PRMT7: variants seen among roughly 807,000 people sequenced by gnomAD.
PRMT7 encodes protein arginine N-methyltransferase 7.
PRMT7 carries 75 observed loss-of-function variants against 85.4 expected under a neutral mutation model. The ratio of observed to expected loss-of-function variants is 0.88; its 90% confidence interval spans 0.73 to 1.06. PRMT7 has a LOEUF of 1.06. Among genes scored for constraint, PRMT7 ranks in the 50% least tolerant of loss-of-function variants. PRMT7 has a pLI of 0.00. For missense variants in PRMT7, 868 were observed against 915.2 expected (o/e 0.95, Z 0.67); for synonymous variants, 397 against 359.5 (o/e 1.10, Z -1.18).
chr16:68,342,620 C>G (rs1469416868), intron 9 of PRMT7, among the ~76,000 whole-genome samples: 1 of 152,188 alleles, frequency 6.6e-6, no homozygotes, highest in East Asian at 1.9e-4. Context: ...TTCACCTACC[C>G]CATTCCCAGA....
rs986829614 is a variant in PRMT7 at position 68,349,809 on chromosome 16, C to T, written c.1413+1378C>T. ...GCTGAGGTGGGTGAGGTGGGAGGAT[C>T]GCCTGAGCCCAGGAGTTGGAGGCTG... is the stretch of plus-strand genomic sequence containing the variant. On this transcript the variant is annotated intron_variant, in intron 14 of 18. Coordinates refer to ENST00000441236, the MANE Select transcript of PRMT7 (RefSeq NM_019023.5). 2.4e-4 allele frequency among the ~76,000 whole-genome samples: 37 copies of T among 152,148 alleles called. 1 individual carries two copies. Among genetic ancestry groups the T allele is most frequent in the Admixed American group, 2.0e-3 (31 of 15,272 alleles).
Position 68,339,834 on chromosome 16 carries a change from A to G in PRMT7, c.793A>G (p.Arg265Gly), listed in dbSNP as rs896071644. 2 of 1,614,168 alleles carry G rather than the reference A, an allele frequency of 1.2e-6. No individual in the cohort carries two copies. Among genetic ancestry groups the G allele is most frequent in the Middle Eastern group, 1.6e-4 (1 of 6,062 alleles). ...QVSSSAACHSRRFEPLTSGRA... is the reference protein window; with the variant it reads ...QVSSSAACHSGRFEPLTSGRA... ...CAGTAGCTCAGCAGCCTGCCATAGC[A>G]GGCGGTTTGAACCTCTGACATCTGG... The change falls in exon 9 of 19, where the codon AGG (arginine) becomes GGG (glycine). Residue 265 changes from arginine to glycine, a missense_variant. Coordinates refer to ENST00000441236, the MANE Select transcript of PRMT7 (RefSeq NM_019023.5).
At chr16:68,313,981 G>T (rs1460297214) in intron 2 of PRMT7, among the ~76,000 whole-genome samples, 2 of 152,196 alleles carry the variant, frequency 1.3e-5, no homozygotes, top group African/African-American at 4.8e-5. Context: ...ATATCAGAGG[G>T]CCTTGTTCGT....
intron 6 of PRMT7, among the ~76,000 whole-genome samples, chr16:68,335,018 A>G (rs904700932): frequency 6.6e-6 from 1 of 152,158 alleles, no homozygotes; most frequent in African/African-American, 2.4e-5. Context: ...GCTGGTATCG[A>G]ACTCCTGGCC....
rs1177999257 is a variant in PRMT7, at chr16:68,346,428, C to T, written c.1191+148C>T. 6 of 1,130,846 alleles carry T rather than the reference C, an allele frequency of 5.3e-6. No individual in the cohort carries two copies. In the African/African-American group the frequency reaches 9.4e-5, roughly 18 times the overall value. The allele number at this position is 1,130,846 out of a possible 1,614,324, so 70.1% of individuals were successfully genotyped here. A position where few individuals can be genotyped will look rare whatever the true frequency, so the allele number is the denominator to read the frequency against. Reference sequence around the variant, plus strand: ...TCAGCGAGCGCCTCCTGGGTGGGCACTGGAGCAGAAAGCGGGAGAGCCTGG... The same window carrying T: ...TCAGCGAGCGCCTCCTGGGTGGGCATTGGAGCAGAAAGCGGGAGAGCCTGG... On this transcript the variant is annotated intron_variant, in intron 11 of 18. Transcript: ENST00000441236.
rs201641068 is a variant in PRMT7 at position 68,346,182 on chromosome 16, G to A, written c.1093G>A (p.Val365Met). 2.1e-5 allele frequency: 34 copies of A among 1,613,980 alleles called. No individual in the cohort carries two copies. In the African/African-American group the frequency reaches 2.4e-4, roughly 11 times the overall value. Residue 365 changes from valine to methionine, a missense_variant, in exon 11 of 19, where the codon GTG (valine) becomes ATG (methionine). Transcript: ENST00000441236. The part of the protein sequence containing the change: ...KNERVRQMRP[V>M]CDCQAHLLWN... Reference sequence around the variant, plus strand: ...TGAGAGAGTCCGCCAGATGCGCCCCGTGTGTGACTGCCAGGCTCACCTGCT... The same window carrying A: ...TGAGAGAGTCCGCCAGATGCGCCCCATGTGTGACTGCCAGGCTCACCTGCT...
chr16:68,346,292 G>T lies in PRMT7; in HGVS notation c.1191+12G>T, dbSNP rs751519478. 2.5e-6 allele frequency: 4 copies of T among 1,613,586 alleles called. No individual in the cohort carries two copies. In the East Asian group the frequency reaches 8.9e-5, roughly 36 times the overall value. ...AGGCTCTGAGGACCGTAAGTGTCCA[G>T]CCCCTTGGCTTGTTGTGGGGAAAAG... On this transcript the variant is annotated intron_variant, in intron 11 of 18. Coordinates refer to ENST00000441236, the MANE Select transcript of PRMT7 (RefSeq NM_019023.5).
At chr16:68,322,105 A>G (rs77421912) in intron 4 of PRMT7, among the ~76,000 whole-genome samples, 9,127 of 152,158 alleles carry the variant, frequency 0.06, 362 homozygotes, top group Middle Eastern at 0.14. Flanking sequence ...TATTGGGATA[A>G]TACTATTATT....
At chr16:68,327,947 A>G (rs2083326743) in intron 5 of PRMT7, among the ~76,000 whole-genome samples, 1 of 151,982 alleles carries the variant, frequency 6.6e-6, no homozygotes, top group African/African-American at 2.4e-5. Flanking sequence ...AAAAAAAGAA[A>G]AATTAAATGG....
At chr16:68,321,931 C>T (rs1489841665) in intron 4 of PRMT7, among the ~76,000 whole-genome samples, 2 of 151,950 alleles carry the variant, frequency 1.3e-5, no homozygotes, top group Non-Finnish European at 2.9e-5. Context: ...GTACCATTCT[C>T]TGGGCTTCTG....
At chr16:68,335,345 C>T (rs2084513070) in intron 6 of PRMT7, among the ~76,000 whole-genome samples, 1 of 126,458 alleles carries the variant, frequency 7.9e-6, no homozygotes. Context: ...GCCCAGATTC[C>T]TGGACTATGT....
At chr16:68,317,269 G>T (rs1597113206) in intron 3 of PRMT7, among the ~76,000 whole-genome samples, 1 of 151,584 alleles carries the variant, frequency 6.6e-6, no homozygotes, top group South Asian at 2.1e-4. Flanking sequence ...ACAGCACAGT[G>T]AGATAAAGGC....
chr16:68,352,332 G>T lies in PRMT7; in HGVS notation c.1498G>T (p.Val500Leu). Reference protein sequence around the residue: ...NLYFWYVRTAVDQHLGPGAMV... With the variant: ...NLYFWYVRTALDQHLGPGAMV... ...CTACTTCTGGTACGTGCGGACCGCT[G>T]TGGACCAGCACCTGGGGCCAGGTGC... Residue 500 changes from valine to leucine, a missense_variant, in exon 15 of 19, where the codon GTG becomes TTG. Physicochemically the swap from Val to Leu is conservative, Grantham distance 32. Transcript: ENST00000441236. 6.8e-6 allele frequency: 11 copies of T among 1,612,742 alleles called. No individual in the cohort carries two copies. The highest frequency in any genetic ancestry group is 9.3e-6 in the Non-Finnish European group (11 of 1,180,030).
At chr16:68,334,587 G>C (rs1367944157) in intron 6 of PRMT7, among the ~76,000 whole-genome samples, 2 of 152,190 alleles carry the variant, frequency 1.3e-5, no homozygotes, top group African/African-American at 4.8e-5. Flanking sequence ...GTTACATGCT[G>C]AGGCTTGTGG....
chr16:68,327,934 A>G (rs924285521), intron 5 of PRMT7, among the ~76,000 whole-genome samples: 1 of 152,060 alleles, frequency 6.6e-6, no homozygotes, highest in Admixed American at 6.5e-5. Flanking sequence ...CTTCTCAAAA[A>G]AAAAAAAAAG....
chr16:68,348,263 C>A, intron 13 of PRMT7, 79 bp from the exon 14 acceptor site: 1 of 1,209,884 alleles, frequency 8.3e-7, no homozygotes, highest in Non-Finnish European at 1.2e-6. Context: ...GCGGAGAATG[C>A]AACTTTGAGA....
At chr16:68,356,459 G>A (rs537117775) in intron 17 of PRMT7, among the ~76,000 whole-genome samples, 8 of 152,258 alleles carry the variant, frequency 5.3e-5, no homozygotes, top group Non-Finnish European at 1.0e-4. Flanking sequence ...CAGCCACACC[G>A]GCCCTGCCCC....
chr16:68,356,792 C>T lies in PRMT7; in HGVS notation c.1903C>T (p.Pro635Ser). 1.2e-6 allele frequency: 2 copies of T among 1,607,398 alleles called. No homozygotes were observed. The highest frequency in any genetic ancestry group is 1.7e-6 in the Non-Finnish European group (2 of 1,178,334). ...LSTGLLEPAD[P>S]EGGCCWNPHC... is the part of the protein sequence containing the mutation. Reference sequence around the variant, plus strand: ...CACTGGCCTCCTGGAGCCTGCAGACCCCGAGGTAGTGCCTGCGCACCGGGC... The same window carrying T: ...CACTGGCCTCCTGGAGCCTGCAGACTCCGAGGTAGTGCCTGCGCACCGGGC... The change falls in exon 18 of 19, where the codon CCC becomes TCC. Residue 635 changes from proline (P) to serine (S), a missense_variant. By Grantham distance (74) the Pro-to-Ser change is moderately conservative. Coordinates refer to ENST00000441236, the MANE Select transcript of PRMT7 (RefSeq NM_019023.5).
chr16:68,350,480 T>A (rs2087147534), intron 14 of PRMT7, among the ~76,000 whole-genome samples: 1 of 152,102 alleles, frequency 6.6e-6, no homozygotes, highest in South Asian at 2.1e-4. Flanking sequence ...TGGTGATGTC[T>A]CCACATAGTT....
Sources: allele counts gnomAD v4.1 joint callset (sites outside exome capture counted in the v4.1 genomes callset), GRCh38; gene constraint gnomAD v4.1.1; transcripts MANE v1.5; gene names NCBI Gene and HGNC (gene_info 2026-07-23, HGNC 2026-07-21).